CACNA1A: variants seen among roughly 807,000 people sequenced by gnomAD.
The protein encoded by CACNA1A is calcium voltage-gated channel subunit alpha1 A.
Under a neutral mutation model 262.4 loss-of-function variants are expected in CACNA1A, and 57 were observed. The observed-to-expected ratio is 0.22, with a 90% CI of 0.18 to 0.27. The LOEUF (loss-of-function observed/expected upper bound fraction) is 0.27, where lower values mean the gene tolerates loss of function less well. Among genes scored for constraint, CACNA1A ranks in the 10% least tolerant of loss-of-function variants. CACNA1A has a pLI of 1.00. For synonymous variants in CACNA1A, 1,431 were observed against 1,419.3 expected (o/e 1.01, Z -0.18); for missense variants, 2,526 against 3,562.8 (o/e 0.71, Z 7.41).
At chr19:13,421,467 T>TA (rs1260830602) in intron 3 of CACNA1A, among the ~76,000 whole-genome samples, 2 of 152,050 alleles carry the variant, frequency 1.3e-5, no homozygotes, top group African/African-American at 4.8e-5. Context: ...TACAGGGGGA[T>TA]AAAAAACCTG....
At chr19:13,380,496 A>T (rs1335971130) in intron 3 of CACNA1A, among the ~76,000 whole-genome samples, 1 of 150,502 alleles carries the variant, frequency 6.6e-6, no homozygotes, top group East Asian at 2.0e-4. Context: ...AAATGCAAAA[A>T]ATTAGCTGGG....
At chr19:13,455,021 G>A (rs2060981642) in intron 2 of CACNA1A, 86 bp downstream of exon 2, 1 of 727,036 alleles carries the variant, frequency 1.4e-6, no homozygotes, top group Non-Finnish European at 2.4e-6. Context: ...AGGACTGAGA[G>A]CCTCCTCTGT....
chr19:13,207,996 G>A lies in CACNA1A; in HGVS notation c.6838C>T (p.Arg2280Trp). The A allele has an allele frequency of 1.5e-6, 2 of 1,334,150 alleles. No homozygotes were observed. Among genetic ancestry groups the A allele is most frequent in the Non-Finnish European group, 1.9e-6 (2 of 1,047,078 alleles). 82.6% of individuals were successfully genotyped at this position (1,334,150 alleles called of 1,614,324 possible). A position where few individuals can be genotyped will look rare whatever the true frequency, so the allele number is the denominator to read the frequency against. Residue 2280 changes from arginine (R) to tryptophan (W), a missense_variant, in exon 47 of 47, where the codon CGG (arginine) becomes TGG (tryptophan). By Grantham distance (101) the Arg-to-Trp change is moderately radical. This residue lies in a region of CACNA1A where 929 missense variants were observed against 868.1 expected (regional missense o/e 1.07). Coordinates refer to ENST00000360228, the MANE Select transcript of CACNA1A (RefSeq NM_001127222.2). The surrounding 1 kb of genome is among the most constrained non-coding windows in gnomAD (Gnocchi z 5.7). The stretch of plus-strand genomic sequence containing the variant: ...TGGGGGAGCTGGCGGCGGCCCCGCC[G>A]CGGAGTGCTGGTACCAGATGTTGAG... Reference protein sequence around the residue: ...APSTSGTSTPRRGRRQLPQTP... With the variant: ...APSTSGTSTPWRGRRQLPQTP...
chr19:13,467,129 C>T (rs773833956), intron 1 of CACNA1A, among the ~76,000 whole-genome samples: 43 of 151,982 alleles, frequency 2.8e-4, no homozygotes, highest in African/African-American at 1.0e-3. Flanking sequence ...GGGGAAGCAG[C>T]CAGTACAAAG....
chr19:13,245,324 A>G (rs1359975780), intron 30 of CACNA1A, 59 bp from the exon 31 acceptor site: 1 of 1,414,518 alleles, frequency 7.1e-7, no homozygotes, highest in Non-Finnish European at 1.0e-6. Context: ...CCGGCCCCCT[A>G]GGCTGGCCGG....
chr19:13,296,286 T>C (rs1390130598), intron 19 of CACNA1A, among the ~76,000 whole-genome samples: 13 of 152,142 alleles, frequency 8.5e-5, no homozygotes, highest in African/African-American at 1.9e-4. Context: ...GCCTACCTCA[T>C]ATGTCATACA....
At chr19:13,310,798 T>C (rs1050349286) in intron 12 of CACNA1A, among the ~76,000 whole-genome samples, 1 of 151,194 alleles carries the variant, frequency 6.6e-6, no homozygotes, top group East Asian at 1.9e-4. Flanking sequence ...AATTTTTCTT[T>C]TTTTTTTTTT....
chr19:13,228,924 G>A (rs2055570826), intron 36 of CACNA1A: 2 of 510,760 alleles, frequency 3.9e-6, no homozygotes, highest in South Asian at 4.1e-5. Flanking sequence ...CTGGGGACAA[G>A]TGAAGGTCCC....
intron 24 of CACNA1A, chr19:13,263,164 C>G (rs1340165945): frequency 1.9e-5 from 5 of 264,718 alleles, no homozygotes; most frequent in Non-Finnish European, 3.0e-5. Context: ...CATTTCTGCA[C>G]AGCTTTTCTT....
intron 22 of CACNA1A, among the ~76,000 whole-genome samples, chr19:13,280,116 C>T (rs1467115944): frequency 6.6e-6 from 1 of 152,014 alleles, no homozygotes. Context: ...GCTGCATTTA[C>T]TGAGGCCAAC....
chr19:13,332,573 T>C (rs144080252), intron 9 of CACNA1A, among the ~76,000 whole-genome samples: 40 of 152,244 alleles, frequency 2.6e-4, no homozygotes, highest in Non-Finnish European at 3.4e-4. Context: ...CTATTTGCCA[T>C]AACGAATATC....
intron 1 of CACNA1A, among the ~76,000 whole-genome samples, chr19:13,478,605 C>T (rs1292567969): frequency 1.3e-5 from 2 of 152,174 alleles, no homozygotes; most frequent in Non-Finnish European, 2.9e-5. Flanking sequence ...GCGTGAGCTA[C>T]CACACCTGGC....
intron 5 of CACNA1A, among the ~76,000 whole-genome samples, chr19:13,361,874 G>T (rs1308832650): frequency 1.3e-5 from 2 of 152,156 alleles, no homozygotes; most frequent in Non-Finnish European, 2.9e-5. Context: ...CGTTTAGCAT[G>T]GCACCTGTGC....
chr19:13,238,014 G>T (rs923231402), intron 31 of CACNA1A, among the ~76,000 whole-genome samples: 7 of 152,230 alleles, frequency 4.6e-5, no homozygotes, highest in African/African-American at 1.7e-4. Flanking sequence ...CTGGCAGGGA[G>T]ATGCGTGCAG....
chr19:13,456,375 T>C (rs887955335), intron 1 of CACNA1A, among the ~76,000 whole-genome samples: 1 of 152,074 alleles, frequency 6.6e-6, no homozygotes, highest in South Asian at 2.1e-4. Context: ...TCTAGTACTA[T>C]ATAAAGAACA....
In CACNA1A at chr19:13,214,520, C is replaced by G. The variant is rs777815999; in HGVS notation, c.5820G>C (p.Leu1940=). The change falls in exon 39 of 47, where the codon CTG becomes CTC. Residue 1940 remains leucine, a synonymous_variant. Transcript: ENST00000360228. This position sits in a 1 kb window ranked among gnomAD's most constrained non-coding sequence, Gnocchi z 4.1. ...WPNLSQKTLD[L]LVTPHKSTDL... The stretch of plus-strand genomic sequence containing the variant: ...TCTTACACTTGTGAGGTGTGACCAG[C>G]AGGTCTAGCGTCTTCTGGGACAGAT... 1 of 1,613,114 alleles carries G rather than the reference C, an allele frequency of 6.2e-7. No homozygotes were observed. The highest frequency in any genetic ancestry group is 1.1e-5 in the South Asian group (1 of 91,054).
At chr19:13,382,591 G>A (rs778089861) in intron 3 of CACNA1A, among the ~76,000 whole-genome samples, 1 of 152,210 alleles carries the variant, frequency 6.6e-6, no homozygotes, top group Admixed American at 6.5e-5. Flanking sequence ...GTCTTGTCCT[G>A]TGGACAGTGA....
At chr19:13,435,405 C>A (rs1179433344) in intron 3 of CACNA1A, among the ~76,000 whole-genome samples, 1 of 151,928 alleles carries the variant, frequency 6.6e-6, no homozygotes, top group Admixed American at 6.6e-5. Context: ...CACGCCCAGC[C>A]CCAGCCAAGC....
At chr19:13,417,979 C>T (rs774651848) in intron 3 of CACNA1A, among the ~76,000 whole-genome samples, 2 of 151,772 alleles carry the variant, frequency 1.3e-5, no homozygotes, top group South Asian at 2.1e-4. Context: ...AGAGCTCTCC[C>T]GGCCCCATGT....
Sources: allele counts gnomAD v4.1 joint callset (sites outside exome capture counted in the v4.1 genomes callset), GRCh38; gene constraint gnomAD v4.1.1; regional missense constraint gnomAD v4.1.1; non-coding constraint Gnocchi (gnomAD v3.1); transcripts MANE v1.5; gene names NCBI Gene and HGNC (gene_info 2026-07-23, HGNC 2026-07-21).